Variants in TEAD3 observed in about 807,000 individuals in gnomAD.
TEAD3 encodes the protein TEA domain transcription factor 3.
A neutral mutation model predicts 55.6 loss-of-function variants in TEAD3; 15 were observed. The ratio of observed to expected loss-of-function variants is 0.27; its 90% CI spans 0.18 to 0.42. The LOEUF is 0.42. TEAD3 is among the 10% of genes least tolerant of loss of function. The probability of loss-of-function intolerance (pLI) is 1.00; values close to 1 mark genes in which losing one functional copy is unlikely to be tolerated. For missense variants in TEAD3, 407 were observed against 576.8 expected, an observed-to-expected ratio of 0.71 and a Z score of 3.01; for synonymous variants, 210 against 232.2, an observed-to-expected ratio of 0.90 and a Z score of 0.87.
Position 35,486,438 on chromosome 6 carries a change from C to CGCCCG in TEAD3, c.202+18_202+22dup. 6.3e-7 allele frequency: 1 copy of CGCCCG among 1,598,810 alleles called. No homozygotes were observed. Among genetic ancestry groups the CGCCCG allele is most frequent in the Non-Finnish European group, 8.5e-7 (1 of 1,169,956 alleles). On this transcript the variant is annotated intron_variant, in intron 2 of 12. Transcript: ENST00000639578. This position sits in a 1 kb window ranked among gnomAD's most constrained non-coding sequence, Gnocchi z 7.3. ...AGAGCAGGGGGAAGGGCCGCAGTCC[C>CGCCCG]GCCCGCGCCCCCCGGCACGCACCGT...
intron 3 of TEAD3, among the ~76,000 whole-genome samples, chr6:35,481,082 A>G (rs189901029): frequency 2.9e-4 from 44 of 150,966 alleles, no homozygotes; most frequent in African/African-American, 1.1e-3. Flanking sequence ...CCCCCAATAT[A>G]CCTTCTTTCT....
chr6:35,478,405 C>A, intron 6 of TEAD3, 29 bp downstream of exon 6: 1 of 1,613,634 alleles, frequency 6.2e-7, no homozygotes, highest in Non-Finnish European at 8.5e-7. Flanking sequence ...CACACCCCCA[C>A]ACCAGCCCAC....
intron 1 of TEAD3, among the ~76,000 whole-genome samples, chr6:35,495,183 G>T (rs952335589): frequency 7.9e-5 from 12 of 152,220 alleles, no homozygotes; most frequent in African/African-American, 2.7e-4. Flanking sequence ...CACCTCTGTT[G>T]AGATATCTTC....
chr6:35,476,710 G>A (rs952807331), intron 8 of TEAD3, among the ~76,000 whole-genome samples: 37 of 152,344 alleles, frequency 2.4e-4, no homozygotes, highest in African/African-American at 8.7e-4. Flanking sequence ...CATCTAGAAA[G>A]AGAAAGTCTT....
chr6:35,476,192 C>A, intron 9 of TEAD3, 100 bp from the exon 10 acceptor site: 1 of 1,545,980 alleles, frequency 6.5e-7, no homozygotes, highest in Non-Finnish European at 8.7e-7. Context: ...CCTAGGGCTT[C>A]CTGAACAGGC....
chr6:35,479,291 G>T lies in TEAD3; in HGVS notation c.342+14C>A. 6.2e-7 allele frequency: 1 copy of T among 1,613,866 alleles called. No homozygotes were observed. Among genetic ancestry groups the T allele is most frequent in the Non-Finnish European group, 8.5e-7 (1 of 1,179,732 alleles). On this transcript the variant is annotated intron_variant, in intron 5 of 12. Coordinates refer to ENST00000639578, the Ensembl canonical transcript of TEAD3. ...CTTTCCCCCACTCCCACTGGGGAGG[G>T]CTGTGCTACTTACCAGGTTCATGGC...
rs1248069831 is a variant in TEAD3 at position 35,496,340 on chromosome 6, G to C, written c.-50+558C>G. Among the ~76,000 whole-genome samples the C allele has an allele frequency of 1.3e-5, 2 of 152,150 alleles. No individual in the cohort carries two copies. Among genetic ancestry groups the C allele is most frequent in the African/African-American group, 4.8e-5 (2 of 41,436 alleles). ...CCTCCCTGCCTCTCAGGGGACACACGGCCGGGGCGCGCGGCTTTGGTCCCA... is the reference window on the plus strand; with the variant it reads ...CCTCCCTGCCTCTCAGGGGACACACCGCCGGGGCGCGCGGCTTTGGTCCCA... On this transcript the variant is annotated intron_variant, in intron 1 of 12. Transcript: ENST00000639578. The surrounding 1 kb of genome is among the most constrained non-coding windows in gnomAD (Gnocchi z 4.8).
chr6:35,495,761 G>T (rs1189543085), intron 1 of TEAD3, among the ~76,000 whole-genome samples: 2 of 152,328 alleles, frequency 1.3e-5, no homozygotes, highest in South Asian at 2.1e-4. Flanking sequence ...CAGAGAACCA[G>T]GCCACAAGAG....
At position 35,484,453 on chromosome 6, in the gene TEAD3, G is replaced by A. The variant is rs945775451; in HGVS notation, c.267+107C>T. 1.7e-5 allele frequency: 19 copies of A among 1,104,746 alleles called. No homozygotes were observed. The South Asian group carries it at 2.1e-4, about 12-fold the overall frequency. 68.4% of individuals were successfully genotyped at this position (1,104,746 alleles called of 1,614,324 possible). Reference sequence around the variant, plus strand: ...ATGAGGCAAGGAGGGTGGCAGTCCAGGTCAGGGGCAGCCTCGAGGAGGTGG... The same window carrying A: ...ATGAGGCAAGGAGGGTGGCAGTCCAAGTCAGGGGCAGCCTCGAGGAGGTGG... On this transcript the variant is annotated intron_variant, in intron 3 of 12. Transcript: ENST00000639578. The surrounding 1 kb of genome is among the most constrained non-coding windows in gnomAD (Gnocchi z 5.8).
At chr6:35,481,184 C>T (rs749056796) in intron 3 of TEAD3, among the ~76,000 whole-genome samples, 8 of 152,006 alleles carry the variant, frequency 5.3e-5, no homozygotes, top group East Asian at 1.9e-4. Flanking sequence ...TCGCAGCCTC[C>T]GCAGGCAAAC....
chr6:35,494,859 C>T (rs1159087677), intron 1 of TEAD3, among the ~76,000 whole-genome samples: 1 of 141,588 alleles, frequency 7.1e-6, no homozygotes, highest in African/African-American at 2.5e-5. Flanking sequence ...GCCCCCCTGT[C>T]CCTTGACACC....
At chr6:35,480,487 C>T (rs775164703) in intron 3 of TEAD3, 113 bp from the exon 4 acceptor site, 15 of 1,078,838 alleles carry the variant, frequency 1.4e-5, no homozygotes, top group Non-Finnish European at 1.9e-5. Context: ...TAGGGAACTA[C>T]ATGTAAATGG....
At chr6:35,494,485 C>T (rs2150919110) in intron 1 of TEAD3, among the ~76,000 whole-genome samples, 1 of 152,278 alleles carries the variant, frequency 6.6e-6, no homozygotes, top group Non-Finnish European at 1.5e-5. Context: ...AGGGCAAGGC[C>T]CCAGGGACAG....
At chr6:35,495,896 G>A (rs886233265) in intron 1 of TEAD3, among the ~76,000 whole-genome samples, 4 of 152,206 alleles carry the variant, frequency 2.6e-5, no homozygotes, top group Admixed American at 1.3e-4. Flanking sequence ...CCTGGAAAGA[G>A]GGAAGACACA....
intron 3 of TEAD3, among the ~76,000 whole-genome samples, chr6:35,482,895 C>G (rs1258787136): frequency 6.6e-6 from 1 of 152,200 alleles, no homozygotes; most frequent in Admixed American, 6.5e-5. Flanking sequence ...CTCAGAACGG[C>G]TTTCTGTTTA....
downstream of TEAD3, chr6:35,474,228 CTAA>C (rs145631362): frequency 0.14 from 21,729 of 152,496 alleles, 2,981 homozygotes; most frequent in African/African-American, 0.36. Context: ...GGCTTGTGGG[CTAA>C]TGAGGTGCTA....
At chr6:35,490,885 G>A (rs76142631) in intron 1 of TEAD3, among the ~76,000 whole-genome samples, 3,122 of 152,262 alleles carry the variant, frequency 0.021, 56 homozygotes, top group African/African-American at 0.045. Flanking sequence ...GGCAAGCCCT[G>A]GGCTGCTGGC....
chr6:35,480,528 T>A (rs1336888534), intron 3 of TEAD3, among the ~76,000 whole-genome samples, 154 bp from the exon 4 acceptor site: 1 of 152,228 alleles, frequency 6.6e-6, no homozygotes, highest in Non-Finnish European at 1.5e-5. Context: ...AAACAGGGTT[T>A]ATGTTGCCTG....
chr6:35,495,176 C>T (rs1346948577), intron 1 of TEAD3, among the ~76,000 whole-genome samples: 1 of 152,238 alleles, frequency 6.6e-6, no homozygotes, highest in African/African-American at 2.4e-5. Context: ...TCTTGACCAC[C>T]TCTGTTGAGA....
Sources: allele counts gnomAD v4.1 joint callset (sites outside exome capture counted in the v4.1 genomes callset), GRCh38; gene constraint gnomAD v4.1.1; non-coding constraint Gnocchi (gnomAD v3.1); transcripts MANE v1.5; gene names NCBI Gene and HGNC (gene_info 2026-07-23, HGNC 2026-07-21).